The following POLD3 variants were observed in gnomAD, a reference collection of about 807,000 sequenced individuals.
POLD3 encodes DNA polymerase delta subunit 3.
Under a neutral mutation model 58.2 loss-of-function variants are expected in POLD3, and 19 were observed. The ratio of observed to expected loss-of-function variants is 0.33; its 90% CI spans 0.23 to 0.48. The LOEUF (loss-of-function observed/expected upper bound fraction) is 0.48, where lower values mean the gene tolerates loss of function less well. Among genes scored for constraint, POLD3 ranks in the 20% least tolerant of loss-of-function variants. POLD3 has a pLI of 0.99. For synonymous variants in POLD3, 172 were observed against 193.5 expected (o/e 0.89, Z 0.92); for missense variants, 504 against 545.5 (o/e 0.92, Z 0.76).
chr11:74,644,298 T>C (rs1462905898), downstream of POLD3, among the ~76,000 whole-genome samples: 1 of 152,266 alleles, frequency 6.6e-6, no homozygotes, highest in Admixed American at 6.5e-5. Context: ...TTGGTAAACT[T>C]GTCTCCTTTC....
chr11:74,626,587 A>G (rs2032439352), intron 8 of POLD3, among the ~76,000 whole-genome samples: 1 of 152,128 alleles, frequency 6.6e-6, no homozygotes, highest in Non-Finnish European at 1.5e-5. Flanking sequence ...CTTGGTTATG[A>G]TGTATTATCC....
rs116674642 is a variant in POLD3 at position 74,602,485 on chromosome 11, A to G, written c.117-2207A>G. On this transcript the variant is annotated intron_variant, in intron 2 of 11. Transcript: ENST00000263681. ...TCTTTCTCTTACACTTCAACACAGT[A>G]TATCAGCAAATCCTGTTGTTTCTCA... is the stretch of plus-strand genomic sequence containing the variant. 6.4e-3 allele frequency among the ~76,000 whole-genome samples: 975 copies of G among 152,264 alleles called. 11 individuals are homozygous for G. The highest frequency in any genetic ancestry group is 0.022 in the African/African-American group (917 of 41,540).
chr11:74,646,042 G>A (rs1014391444), downstream of POLD3, among the ~76,000 whole-genome samples: 6 of 151,970 alleles, frequency 3.9e-5, no homozygotes, highest in South Asian at 2.1e-4. Flanking sequence ...AGGTTCAAGC[G>A]ATTCTCTGCA....
chr11:74,657,660 T>C (rs1364390612), intron 4 of POLD3, among the ~76,000 whole-genome samples: 1 of 152,260 alleles, frequency 6.6e-6, no homozygotes, highest in Non-Finnish European at 1.5e-5. Flanking sequence ...TCTTTTAGTC[T>C]TTCTGCTTAA....
intron 5 of POLD3, among the ~76,000 whole-genome samples, chr11:74,616,892 A>G (rs1177444823): frequency 6.6e-6 from 1 of 152,150 alleles, no homozygotes; most frequent in Non-Finnish European, 1.5e-5. Flanking sequence ...TCCCACCCCA[A>G]GTTGAAGGTG....
intron 5 of POLD3, among the ~76,000 whole-genome samples, chr11:74,616,259 C>T (rs1411139381): frequency 6.6e-6 from 1 of 152,160 alleles, no homozygotes; most frequent in Non-Finnish European, 1.5e-5. Context: ...AAAGTATCCT[C>T]AGTAGAAAAG....
intron 2 of POLD3, among the ~76,000 whole-genome samples, chr11:74,594,387 G>T (rs1265896491): frequency 6.6e-6 from 1 of 152,100 alleles, no homozygotes; most frequent in African/African-American, 2.4e-5. Context: ...ATATGACCTT[G>T]TCTTAACTAA....
intron 11 of POLD3, among the ~76,000 whole-genome samples, chr11:74,639,406 G>A (rs1247982863): frequency 6.6e-6 from 1 of 152,056 alleles, no homozygotes; most frequent in Non-Finnish European, 1.5e-5. Flanking sequence ...GACTGTCATT[G>A]TTCTTTAATG....
chr11:74,621,521 T>C (rs1413123128), intron 7 of POLD3, among the ~76,000 whole-genome samples: 1 of 145,352 alleles, frequency 6.9e-6, no homozygotes, highest in Non-Finnish European at 1.5e-5. Context: ...GTCACTGACC[T>C]GCCTGGCTGT....
chr11:74,642,101 C>T lies in POLD3; in HGVS notation c.*1335C>T. 1.0e-6 allele frequency: 1 copy of T among 985,394 alleles called. No individual in the cohort carries two copies. The highest frequency in any genetic ancestry group is 1.2e-6 in the Non-Finnish European group (1 of 829,942). 61.0% of individuals were successfully genotyped at this position (985,394 alleles called of 1,614,324 possible). A position where few individuals can be genotyped will look rare whatever the true frequency, so the allele number is the denominator to read the frequency against. ...GGTGTCTGACTGGCTTCTTTTGCCT[C>T]AAGATGGTGTATGTCGTAAGTGATG... is the stretch of plus-strand genomic sequence containing the variant. On this transcript the variant is annotated 3_prime_UTR_variant, in exon 12 of 12. Transcript: ENST00000263681.
intron 4 of POLD3, among the ~76,000 whole-genome samples, chr11:74,656,452 T>C (rs536262791): frequency 9.6e-4 from 146 of 152,232 alleles, no homozygotes; most frequent in African/African-American, 3.4e-3. Flanking sequence ...CCAGGCATGG[T>C]GGCACGCACC....
intron 10 of POLD3, among the ~76,000 whole-genome samples, chr11:74,635,035 CAG>C (rs371765188): frequency 9.6e-4 from 146 of 152,266 alleles, no homozygotes; most frequent in African/African-American, 3.3e-3. Flanking sequence ...ACGTGAAAGA[CAG>C]AGGGGAACAA....
intron 8 of POLD3, among the ~76,000 whole-genome samples, chr11:74,628,621 C>T (rs1166673301): frequency 6.6e-6 from 1 of 152,024 alleles, no homozygotes; most frequent in East Asian, 1.9e-4. Flanking sequence ...ATTATTATGT[C>T]ATTAGAATCA....
chr11:74,628,283 T>C (rs1282828101), intron 8 of POLD3, among the ~76,000 whole-genome samples: 1 of 152,176 alleles, frequency 6.6e-6, no homozygotes, highest in Non-Finnish European at 1.5e-5. Context: ...ATTAATAAAA[T>C]TAATCTCCCA....
chr11:74,661,417 G>A (rs535665701), intron 4 of POLD3, among the ~76,000 whole-genome samples: 1 of 152,304 alleles, frequency 6.6e-6, no homozygotes, highest in East Asian at 1.9e-4. Flanking sequence ...GCATTAGGGG[G>A]AACCCCAAGC....
At chr11:74,636,878 A>T (rs2032764818) in intron 11 of POLD3, among the ~76,000 whole-genome samples, 1 of 152,196 alleles carries the variant, frequency 6.6e-6, no homozygotes, top group Non-Finnish European at 1.5e-5. Flanking sequence ...GGGAGGAATT[A>T]GAGTTCAGGC....
chr11:74,611,998 C>T (rs577329038), intron 4 of POLD3, among the ~76,000 whole-genome samples: 1 of 152,340 alleles, frequency 6.6e-6, no homozygotes, highest in South Asian at 2.1e-4. Flanking sequence ...AATTTAATAA[C>T]AGTCAGGGTC....
At chr11:74,637,122 A>C (rs148384324) in intron 11 of POLD3, among the ~76,000 whole-genome samples, 84 of 151,758 alleles carry the variant, frequency 5.5e-4, no homozygotes, top group African/African-American at 1.9e-3. Context: ...TACAGCTTGG[A>C]TCTTCAGAGA....
chr11:74,648,429 G>A (rs1459843367), intron 4 of POLD3, among the ~76,000 whole-genome samples: 2 of 152,186 alleles, frequency 1.3e-5, no homozygotes, highest in Admixed American at 6.5e-5. Flanking sequence ...TAAAGGAGGT[G>A]TGTGTCCATA....
Sources: gnomAD v4.1 joint callset for allele counts (sites outside exome capture counted in the v4.1 genomes callset) on GRCh38, gnomAD v4.1.1 for gene constraint, MANE v1.5 for transcripts, NCBI Gene and HGNC (gene_info 2026-07-23, HGNC 2026-07-21) for gene names.